CALN1: variants seen among roughly 807,000 people sequenced by gnomAD.
CALN1 encodes the protein calcium-binding protein 8.
A neutral mutation model predicts 30.6 loss-of-function variants in CALN1; 17 were observed. That is an observed-to-expected ratio of 0.56 (90% CI 0.38 to 0.83). The LOEUF (loss-of-function observed/expected upper bound fraction) is 0.83. Ranked by LOEUF, CALN1 falls within the 40% of genes least tolerant of loss-of-function variation. The pLI is 0.00. For missense variants in CALN1, 291 were observed against 354.9 expected (o/e 0.82, Z 1.45); for synonymous variants, 156 against 131.4 (o/e 1.19, Z -1.28).
the CALN1 span, among the ~76,000 whole-genome samples, chr7:72,502,815 T>A: frequency 2.0e-5 from 3 of 152,198 alleles, no homozygotes; most frequent in Non-Finnish European, 4.4e-5. Context: ...TTGGAGTTCA[T>A]AATTGTCTCA....
At chr7:72,154,886 T>A (rs1397510759) in intron 3 of CALN1, among the ~76,000 whole-genome samples, 2 of 140,992 alleles carry the variant, frequency 1.4e-5, no homozygotes, top group Non-Finnish European at 3.1e-5. Context: ...TGAGATCCTG[T>A]CTCTACAATT....
At chr7:71,901,204 T>C (rs1793827903) in intron 5 of CALN1, among the ~76,000 whole-genome samples, 1 of 152,102 alleles carries the variant, frequency 6.6e-6, no homozygotes, top group African/African-American at 2.4e-5. Flanking sequence ...TAGAAATGCA[T>C]TTAACAAAGG....
chr7:71,796,485 G>A (rs577109931), intron 6 of CALN1, among the ~76,000 whole-genome samples: 1 of 150,132 alleles, frequency 6.7e-6, no homozygotes, highest in Non-Finnish European at 1.5e-5. Context: ...TCAGCCTCCC[G>A]AGTAGCTAAG....
intron 4 of CALN1, among the ~76,000 whole-genome samples, chr7:72,044,599 CTTTTTTTTT>C (rs549079139): frequency 0.048 from 4,647 of 96,562 alleles, 130 homozygotes; most frequent in East Asian, 0.16. Context: ...CCGCTTAAAA[CTTTTTTTTT>C]TTTTTTTTTT....
intron 2 of CALN1, among the ~76,000 whole-genome samples, chr7:72,314,812 T>TA (rs1475943628): frequency 6.1e-5 from 9 of 147,454 alleles, no homozygotes; most frequent in African/African-American, 2.0e-4. Flanking sequence ...CTTAAATATT[T>TA]AAAAAGAAAT....
chr7:72,387,616 G>A (rs1420093474), intron 2 of CALN1, among the ~76,000 whole-genome samples: 1 of 152,148 alleles, frequency 6.6e-6, no homozygotes, highest in Non-Finnish European at 1.5e-5. Context: ...CATCACCCCA[G>A]TCTAATCATG....
rs73364928 is a variant in CALN1, at chr7:72,378,436, C to A, written c.119+24815G>T. ...TTTTGACTAGTTTCCAGAGTTCCAACAAGTTGATTCTGACCATTTTTTCAG... is the reference window on the plus strand; with the variant it reads ...TTTTGACTAGTTTCCAGAGTTCCAAAAAGTTGATTCTGACCATTTTTTCAG... On this transcript the variant is annotated intron_variant, in intron 2 of 6. Coordinates refer to ENST00000395275, the MANE Select transcript of CALN1 (RefSeq NM_031468.4). Among the ~76,000 whole-genome samples the A allele has an allele frequency of 6.2e-3, 950 of 152,262 alleles. 9 individuals carry two copies. Among genetic ancestry groups the A allele is most frequent in the African/African-American group, 0.02 (850 of 41,530 alleles).
At chr7:72,232,203 G>C (rs1474954354) in intron 3 of CALN1, among the ~76,000 whole-genome samples, 3 of 152,138 alleles carry the variant, frequency 2.0e-5, no homozygotes, top group Non-Finnish European at 4.4e-5. Flanking sequence ...CCGGCAAGGG[G>C]TTTAGATTTG....
intron 5 of CALN1, among the ~76,000 whole-genome samples, chr7:71,877,108 GA>G (rs980495287): frequency 1.3e-5 from 2 of 151,360 alleles, no homozygotes; most frequent in African/African-American, 4.8e-5. Context: ...ACACATTAAA[GA>G]AAAAAAACCA....
At chr7:72,466,674 C>T in the CALN1 span, among the ~76,000 whole-genome samples, 2 of 151,426 alleles carry the variant, frequency 1.3e-5, no homozygotes, top group African/African-American at 2.4e-5. Flanking sequence ...ATCCAGGAGG[C>T]GGAGTTTGCA....
chr7:71,893,415 G>GGTGGCTC (rs1793361622), intron 5 of CALN1, among the ~76,000 whole-genome samples: 1 of 152,092 alleles, frequency 6.6e-6, no homozygotes, highest in Non-Finnish European at 1.5e-5. Flanking sequence ...GGCCAGGCGT[G>GGTGGCTC]GTGGCTCATG....
intron 5 of CALN1, among the ~76,000 whole-genome samples, chr7:71,934,485 GC>G (rs997228128): frequency 6.6e-6 from 1 of 152,210 alleles, no homozygotes; most frequent in African/African-American, 2.4e-5. Flanking sequence ...ACCTCAGGAA[GC>G]TTTTACTCAT....
intron 3 of CALN1, among the ~76,000 whole-genome samples, chr7:72,229,007 G>C (rs2129550447): frequency 6.6e-6 from 1 of 151,314 alleles, no homozygotes; most frequent in Admixed American, 6.6e-5. Context: ...TGAACTCCTG[G>C]GCTCAAGTGA....
chr7:72,451,528 G>T (rs1212712328), upstream of CALN1, among the ~76,000 whole-genome samples: 1 of 151,986 alleles, frequency 6.6e-6, no homozygotes, highest in East Asian at 1.9e-4. Flanking sequence ...CCTGTGGGCT[G>T]GTAAGATGTC....
intron 5 of CALN1, among the ~76,000 whole-genome samples, chr7:71,945,296 T>C (rs796572001): frequency 7.2e-5 from 11 of 152,326 alleles, no homozygotes; most frequent in African/African-American, 2.6e-4. Flanking sequence ...TCTTTCTAAA[T>C]GACCCAGTTT....
intron 2 of CALN1, among the ~76,000 whole-genome samples, chr7:72,327,768 T>C (rs1215298371): frequency 1.3e-5 from 2 of 152,210 alleles, no homozygotes; most frequent in African/African-American, 2.4e-5. Context: ...CTATTCTTCA[T>C]AAGTATAAAT....
At chr7:72,007,941 A>G (rs1799865434) in intron 5 of CALN1, among the ~76,000 whole-genome samples, 2 of 152,198 alleles carry the variant, frequency 1.3e-5, no homozygotes, top group Admixed American at 6.5e-5. Flanking sequence ...TATCAAATAC[A>G]CACAGACACA....
chr7:71,838,799 T>C (rs1025881380), intron 5 of CALN1, among the ~76,000 whole-genome samples: 2 of 152,168 alleles, frequency 1.3e-5, no homozygotes, highest in African/African-American at 4.8e-5. Context: ...TTCTCTTTGC[T>C]GTAGCCATGT....
At chr7:72,380,301 C>A (rs1377702304) in intron 2 of CALN1, among the ~76,000 whole-genome samples, 3 of 152,232 alleles carry the variant, frequency 2.0e-5, no homozygotes, top group Non-Finnish European at 4.4e-5. Context: ...GGAAGGAAAA[C>A]ATTGTCCCAA....
Sources: gnomAD v4.1 joint callset for allele counts (sites outside exome capture counted in the v4.1 genomes callset) on GRCh38, gnomAD v4.1.1 for gene constraint, MANE v1.5 for transcripts, NCBI Gene and HGNC (gene_info 2026-07-23, HGNC 2026-07-21) for gene names.